SRGAP2: variants seen among roughly 807,000 people sequenced by gnomAD.
SRGAP2 encodes SLIT-ROBO Rho GTPase-activating protein 2.
Under a neutral mutation model 57.2 loss-of-function variants are expected in SRGAP2, and 15 were observed. The observed-to-expected ratio is 0.26, with a 90% CI of 0.18 to 0.40. SRGAP2 has a LOEUF of 0.40. Among genes scored for constraint, SRGAP2 ranks in the 10% least tolerant of loss-of-function variants. The pLI is 1.00. For missense variants in SRGAP2, 520 were observed against 669.6 expected, an observed-to-expected ratio of 0.78 and a Z score of 2.47; for synonymous variants, 249 against 248.0, an observed-to-expected ratio of 1.00 and a Z score of -0.04.
chr1:206,348,901 TA>T (rs544139631), intron 4 of SRGAP2, among the ~76,000 whole-genome samples: 1,436 of 57,188 alleles, frequency 0.025, 35 homozygotes, highest in Admixed American at 0.052. Flanking sequence ...GCATGAACCA[TA>T]AAATTTTATA....
intron 5 of SRGAP2, among the ~76,000 whole-genome samples, chr1:206,389,556 G>A (rs1474060072): frequency 2.0e-5 from 3 of 151,930 alleles, no homozygotes; most frequent in African/African-American, 7.3e-5. Flanking sequence ...TCGGGCTTCT[G>A]TGATATAAAT....
chr1:206,287,881 G>A (rs1258732455), intron 2 of SRGAP2, among the ~76,000 whole-genome samples: 5 of 108,560 alleles, frequency 4.6e-5, no homozygotes, highest in Non-Finnish European at 6.9e-5. Flanking sequence ...AAATAAGAGT[G>A]TATAATTTTA....
At chr1:206,452,868 A>G (rs1572193740) in intron 19 of SRGAP2, among the ~76,000 whole-genome samples, 1 of 140,184 alleles carries the variant, frequency 7.1e-6, no homozygotes, top group East Asian at 2.4e-4. Context: ...CCTGAGCGAC[A>G]GAGTAAGACT....
At chr1:206,432,807 A>G (rs1553368757) in intron 14 of SRGAP2, among the ~76,000 whole-genome samples, 1 of 152,200 alleles carries the variant, frequency 6.6e-6, no homozygotes, top group Non-Finnish European at 1.5e-5. Context: ...CCTGCCTTAA[A>G]TGTGCTCAGA....
At chr1:206,393,476 T>C in intron 6 of SRGAP2, 69 bp from the exon 7 acceptor site, 1 of 705,652 alleles carries the variant, frequency 1.4e-6, no homozygotes, top group South Asian at 1.6e-5. Context: ...ACACTGTACT[T>C]TTATCTTTTA....
At chr1:206,419,943 C>CCA (rs577215959) in intron 12 of SRGAP2, among the ~76,000 whole-genome samples, 2 of 152,028 alleles carry the variant, frequency 1.3e-5, no homozygotes, top group Non-Finnish European at 2.9e-5. Flanking sequence ...TACAAGTATG[C>CCA]ACCCCTCCCA....
chr1:206,369,270 A>G (rs1221929136), intron 4 of SRGAP2, among the ~76,000 whole-genome samples: 3 of 152,214 alleles, frequency 2.0e-5, no homozygotes, highest in Admixed American at 6.5e-5. Context: ...GATCAAAGGC[A>G]TAAATGCAAG....
intron 3 of SRGAP2, among the ~76,000 whole-genome samples, chr1:206,307,255 A>G (rs1672281628): frequency 6.6e-6 from 1 of 152,114 alleles, no homozygotes; most frequent in African/African-American, 2.4e-5. Flanking sequence ...TAGAGCAGCT[A>G]GATACAGAGT....
At chr1:206,217,202 G>A (rs1413548802) in intron 2 of SRGAP2, among the ~76,000 whole-genome samples, 4 of 151,574 alleles carry the variant, frequency 2.6e-5, no homozygotes, top group African/African-American at 4.9e-5. Flanking sequence ...TTGTGTGTGC[G>A]TGTGTTTATT....
At chr1:206,424,562 G>A (rs549119615) in intron 13 of SRGAP2, among the ~76,000 whole-genome samples, 1 of 152,336 alleles carries the variant, frequency 6.6e-6, no homozygotes, top group South Asian at 2.1e-4. Context: ...GTCTGAGGCA[G>A]GAGAATCACT....
intron 2 of SRGAP2, among the ~76,000 whole-genome samples, chr1:206,267,252 G>A (rs1478992737): frequency 9.2e-5 from 14 of 152,230 alleles, no homozygotes; most frequent in Admixed American, 3.9e-4. Flanking sequence ...ACAGGCATGA[G>A]CCACCACGCC....
At position 206,436,841 on chromosome 1, in the gene SRGAP2, A is replaced by G. The variant is rs1553370200; in HGVS notation, c.1556-124A>G. The G allele has an allele frequency of 1.4e-5, 10 of 709,964 alleles. No individual in the cohort carries two copies. In the Admixed American group the frequency reaches 1.6e-4, roughly 11 times the overall value. 44.0% of individuals were successfully genotyped at this position (709,964 alleles called of 1,614,324 possible). On this transcript the variant is annotated intron_variant, in intron 14 of 22. Transcript: ENST00000573034. ...TGCACATGTTTTTCTCCTTTGGCCT[A>G]AAGAAGAGAGACAGCGTGCTTAAAT...
At chr1:206,442,560 G>T (rs1251700075) in intron 17 of SRGAP2, among the ~76,000 whole-genome samples, 18 of 152,120 alleles carry the variant, frequency 1.2e-4, no homozygotes, top group African/African-American at 4.3e-4. Context: ...TCCATGCAGG[G>T]TTGCTGCTTG....
At chr1:206,446,034 G>A (rs782109081) in intron 17 of SRGAP2, 41 bp from the exon 18 acceptor site, 8 of 775,486 alleles carry the variant, frequency 1.0e-5, no homozygotes. Flanking sequence ...GGGCATTCAT[G>A]CGAGAGCTTT....
In SRGAP2 at chr1:206,461,322, C is replaced by A; in HGVS notation, c.3118C>A (p.Arg1040=). 1.3e-6 allele frequency: 1 copy of A among 780,974 alleles called. No individual in the cohort carries two copies. Among genetic ancestry groups the A allele is most frequent in the Non-Finnish European group, 2.4e-6 (1 of 418,000 alleles). The allele number at this position is 780,974 out of a possible 1,614,324, so 48.4% of individuals were successfully genotyped here. The change falls in exon 23 of 23, where the codon CGG becomes AGG. Residue 1040 remains arginine (R), a synonymous_variant. Transcript: ENST00000573034. ...MAAPVKPPAT[R]PKPTVFPKTN... is the part of the protein sequence containing the mutation. ...TGCCCCGGTCAAACCACCAGCCACACGGCCCAAGCCCACTGTCTTCCCCAA... is the reference window on the plus strand; with the variant it reads ...TGCCCCGGTCAAACCACCAGCCACAAGGCCCAAGCCCACTGTCTTCCCCAA...
chr1:206,326,612 T>A (rs1366709457), intron 3 of SRGAP2, among the ~76,000 whole-genome samples: 1 of 152,254 alleles, frequency 6.6e-6, no homozygotes, highest in Non-Finnish European at 1.5e-5. Context: ...ATTCTTGCCC[T>A]GCTCCACCAC....
intron 2 of SRGAP2, among the ~76,000 whole-genome samples, chr1:206,214,251 T>C (rs1169209418): frequency 1.3e-5 from 2 of 152,246 alleles, no homozygotes; most frequent in Non-Finnish European, 2.9e-5. Flanking sequence ...ACACATAGAC[T>C]ACTAGCTAAC....
intron 2 of SRGAP2, among the ~76,000 whole-genome samples, chr1:206,286,369 A>C (rs1334642866): frequency 6.6e-6 from 1 of 152,164 alleles, no homozygotes. Flanking sequence ...TTTTTTAAAA[A>C]GTAAATACTC....
At chr1:206,335,244 A>G (rs1479526083) in intron 3 of SRGAP2, among the ~76,000 whole-genome samples, 14 of 151,172 alleles carry the variant, frequency 9.3e-5, no homozygotes, top group Admixed American at 7.9e-4. Context: ...TTGGGGTGGC[A>G]TTGTAGCATG....
Sources: allele counts gnomAD v4.1 joint callset (sites outside exome capture counted in the v4.1 genomes callset), GRCh38; gene constraint gnomAD v4.1.1; transcripts MANE v1.5; gene names NCBI Gene and HGNC (gene_info 2026-07-23, HGNC 2026-07-21).